The following SAMD13 variants were observed in gnomAD, a reference collection of about 807,000 sequenced individuals.
SAMD13 encodes the protein sterile alpha motif domain-containing protein 13.
A neutral mutation model predicts 12.4 loss-of-function variants in SAMD13; 9 were observed. That is an observed-to-expected ratio of 0.72 (90% confidence interval 0.44 to 1.26). SAMD13 has a LOEUF of 1.26. SAMD13 is among the 50% of genes most tolerant of loss of function. The probability of loss-of-function intolerance (pLI) is 0.00; values close to 1 mark genes in which losing one functional copy is unlikely to be tolerated. For synonymous variants in SAMD13, 46 were observed against 45.4 expected, an observed-to-expected ratio of 1.01 and a Z score of -0.05; for missense variants, 84 against 119.6, an observed-to-expected ratio of 0.70 and a Z score of 1.39.
chr1:84,321,368 A>G (rs1225960470), intron 2 of SAMD13, among the ~76,000 whole-genome samples: 2 of 151,900 alleles, frequency 1.3e-5, no homozygotes, highest in Non-Finnish European at 2.9e-5. Context: ...ATATATAAAT[A>G]TATATATTAA....
intron 2 of SAMD13, 21 bp from the exon 3 acceptor site, chr1:84,325,616 G>C (rs369450275): frequency 5.5e-6 from 8 of 1,455,534 alleles, no homozygotes; most frequent in Non-Finnish European, 6.8e-6. Context: ...CATGACAACT[G>C]TCTGGATTTG....
upstream of SAMD13, among the ~76,000 whole-genome samples, chr1:84,298,972 T>A (rs2101780706): frequency 6.6e-6 from 1 of 152,176 alleles, no homozygotes; most frequent in South Asian, 2.1e-4. Context: ...CCAGAAACTT[T>A]CCCCGCTTTG....
chr1:84,320,211 T>A (rs57450857), intron 2 of SAMD13, among the ~76,000 whole-genome samples: 2,977 of 152,282 alleles, frequency 0.02, 100 homozygotes, highest in African/African-American at 0.067. Context: ...CCCTGGAAGT[T>A]GAACAGAAAG....
At chr1:84,324,395 T>TA (rs1679012870) in intron 2 of SAMD13, among the ~76,000 whole-genome samples, 5 of 152,214 alleles carry the variant, frequency 3.3e-5, no homozygotes, top group South Asian at 2.1e-4. Context: ...ACAGTTAATT[T>TA]CTGGCTGTCT....
chr1:84,346,611 G>C (rs927905934), intron 3 of SAMD13, among the ~76,000 whole-genome samples: 1 of 152,172 alleles, frequency 6.6e-6, no homozygotes, highest in African/African-American at 2.4e-5. Flanking sequence ...ATCCAGAGGA[G>C]TTGTTCCTTA....
chr1:84,330,405 G>C (rs2101808800), intron 3 of SAMD13, among the ~76,000 whole-genome samples: 1 of 152,218 alleles, frequency 6.6e-6, no homozygotes. Context: ...GGCCTGCTTA[G>C]CTTTCAAGAG....
chr1:84,327,026 G>A (rs1050918280), intron 3 of SAMD13, among the ~76,000 whole-genome samples: 1 of 152,126 alleles, frequency 6.6e-6, no homozygotes, highest in Non-Finnish European at 1.5e-5. Context: ...TTTTGTTGTT[G>A]GTGAGACTGT....
chr1:84,307,922 C>T (rs183659689), intron 2 of SAMD13, among the ~76,000 whole-genome samples: 5 of 152,134 alleles, frequency 3.3e-5, no homozygotes, highest in Non-Finnish European at 5.9e-5. Flanking sequence ...AAGGTTTGTT[C>T]CCCTGCCTCA....
intron 2 of SAMD13, among the ~76,000 whole-genome samples, chr1:84,307,217 G>T (rs1678599163): frequency 6.6e-6 from 1 of 152,068 alleles, no homozygotes; most frequent in African/African-American, 2.4e-5. Flanking sequence ...ATTGATGATT[G>T]GTTCATTTTA....
chr1:84,317,880 CT>C (rs1158195245), intron 2 of SAMD13, among the ~76,000 whole-genome samples: 3 of 151,984 alleles, frequency 2.0e-5, no homozygotes, highest in African/African-American at 7.2e-5. Flanking sequence ...CTAGACAGGT[CT>C]GCTTGGATTT....
At chr1:84,344,438 T>C (rs903081099) in intron 3 of SAMD13, among the ~76,000 whole-genome samples, 1 of 152,028 alleles carries the variant, frequency 6.6e-6, no homozygotes, top group African/African-American at 2.4e-5. Flanking sequence ...GTTGAGCTCA[T>C]AGTCACTCCA....
chr1:84,306,435 C>T (rs1678574603), intron 2 of SAMD13, among the ~76,000 whole-genome samples: 2 of 151,910 alleles, frequency 1.3e-5, no homozygotes, highest in African/African-American at 4.8e-5. Flanking sequence ...TTAATTCTTC[C>T]TTCCCAGTCT....
intron 2 of SAMD13, among the ~76,000 whole-genome samples, chr1:84,322,662 G>A (rs1464373173): frequency 6.6e-6 from 1 of 152,094 alleles, no homozygotes; most frequent in African/African-American, 2.4e-5. Flanking sequence ...GGGGATATCA[G>A]GCTTTTAAAC....
At chr1:84,342,170 A>G (rs888384728) in intron 3 of SAMD13, among the ~76,000 whole-genome samples, 14 of 152,132 alleles carry the variant, frequency 9.2e-5, no homozygotes, top group Non-Finnish European at 1.8e-4. Context: ...TGGCCACACT[A>G]AGTTTCAAAG....
upstream of SAMD13, among the ~76,000 whole-genome samples, chr1:84,300,699 TG>T (rs928919003): frequency 6.6e-6 from 1 of 152,172 alleles, no homozygotes; most frequent in Admixed American, 6.5e-5. Context: ...AGAACATTAA[TG>T]GGATGAGATT....
At chr1:84,298,761 G>A (rs544170493), upstream of SAMD13, among the ~76,000 whole-genome samples, 6 of 152,276 alleles carry the variant, frequency 3.9e-5, 1 homozygote, top group South Asian at 2.1e-4. Flanking sequence ...TGGAGTGGGG[G>A]CAGAAGCGTG....
chr1:84,299,088 C>T (rs901431944), upstream of SAMD13, among the ~76,000 whole-genome samples: 8 of 152,132 alleles, frequency 5.3e-5, no homozygotes, highest in African/African-American at 1.9e-4. Flanking sequence ...CCAGTTCTCA[C>T]TTGCCCCTGA....
At chr1:84,344,845 T>C in intron 3 of SAMD13, 1 of 455,920 alleles carries the variant, frequency 2.2e-6, no homozygotes, top group Non-Finnish European at 4.4e-6. Flanking sequence ...TATGAGGTCT[T>C]GTCTGATGCC....
chr1:84,326,695 T>C (rs550876240), intron 3 of SAMD13, among the ~76,000 whole-genome samples: 2 of 152,306 alleles, frequency 1.3e-5, no homozygotes, highest in East Asian at 3.9e-4. Flanking sequence ...TATCATAATA[T>C]TGTAGGGAGA....
Sources: gnomAD v4.1 joint callset for allele counts (sites outside exome capture counted in the v4.1 genomes callset) on GRCh38, gnomAD v4.1.1 for gene constraint, MANE v1.5 for transcripts, NCBI Gene and HGNC (gene_info 2026-07-23, HGNC 2026-07-21) for gene names.